The following RTN3 variants were observed in gnomAD, a reference collection of about 807,000 sequenced individuals.
RTN3 encodes reticulon 3.
Under a neutral mutation model 77.8 loss-of-function variants are expected in RTN3, and 49 were observed. The observed-to-expected ratio is 0.63, with a 90% CI of 0.50 to 0.80. The LOEUF is 0.80. Ranked by LOEUF, RTN3 falls within the 30% of genes least tolerant of loss-of-function variation. The pLI is 0.00. For synonymous variants in RTN3, 464 were observed against 446.9 expected, an observed-to-expected ratio of 1.04 and a Z score of -0.48; for missense variants, 1,236 against 1,211.9, an observed-to-expected ratio of 1.02 and a Z score of -0.29.
intron 1 of RTN3, among the ~76,000 whole-genome samples, chr11:63,691,987 C>G (rs1169550997): frequency 1.3e-5 from 2 of 152,066 alleles, no homozygotes; most frequent in East Asian, 1.9e-4. Flanking sequence ...TAATAAATAC[C>G]CTGTAATATC....
At chr11:63,690,291 G>C (rs1361760311) in intron 1 of RTN3, among the ~76,000 whole-genome samples, 1 of 152,184 alleles carries the variant, frequency 6.6e-6, no homozygotes, top group East Asian at 1.9e-4. Context: ...TTACGTATGA[G>C]ATAGAAGTAC....
rs533528163 is a variant in RTN3, at chr11:63,699,182, T to C, written c.143-5669T>C. Among the ~76,000 whole-genome samples the C allele has an allele frequency of 2.6e-5, 4 of 151,972 alleles. No individual in the cohort carries two copies. The South Asian group carries it at 8.3e-4, about 32-fold the overall frequency. On this transcript the variant is annotated intron_variant, in intron 1 of 8. Coordinates refer to ENST00000377819, the MANE Select transcript of RTN3 (RefSeq NM_001265589.2). ...CGTGTGTGGTAGCATGCACCTGTAA[T>C]CCCAGCTACTCAGCAGGCTGAGGCA...
At chr11:63,754,572 C>T (rs1227927057) in intron 7 of RTN3, among the ~76,000 whole-genome samples, 8 of 151,810 alleles carry the variant, frequency 5.3e-5, no homozygotes, top group Non-Finnish European at 7.4e-5. Context: ...TGGTGGCAGG[C>T]GCCTGTGGTC....
Position 63,681,767 on chromosome 11 carries a change from C to A in RTN3, c.131C>A (p.Ser44Tyr). Residue 44 changes from serine (S) to tyrosine (Y), a missense_variant, in exon 1 of 9, where the codon TCC (serine) becomes TAC (tyrosine). Around this residue, in one of 3 missense-constraint regions of RTN3, gnomAD observed 1,056 missense variants for 990.4 expected, o/e 1.07. Coordinates refer to ENST00000377819, the MANE Select transcript of RTN3 (RefSeq NM_001265589.2). ...GCCCTGGGGACGAAGAGCTGCAGCT[C>A]CTCCTGTGCGGGTAAGGCGCGCGGG... ...CPALGTKSCS[S>Y]SCADSFVSSS... The A allele has an allele frequency of 6.3e-7, 1 of 1,592,798 alleles. No individual in the cohort carries two copies. Among genetic ancestry groups the A allele is most frequent in the Non-Finnish European group, 8.5e-7 (1 of 1,172,612 alleles).
At chr11:63,721,558 G>C (rs1235845731) in intron 3 of RTN3, among the ~76,000 whole-genome samples, 1 of 144,522 alleles carries the variant, frequency 6.9e-6, no homozygotes, top group Non-Finnish European at 1.5e-5. Flanking sequence ...CTGGGTGACA[G>C]AGCAAGACTC....
At chr11:63,682,748 G>A (rs1404580669) in intron 1 of RTN3, among the ~76,000 whole-genome samples, 1 of 152,080 alleles carries the variant, frequency 6.6e-6, no homozygotes, top group Non-Finnish European at 1.5e-5. Context: ...ACCTCCTTTA[G>A]TTTGCATTGT....
intron 4 of RTN3, chr11:63,750,415 G>T: frequency 3.8e-6 from 2 of 520,224 alleles, no homozygotes; most frequent in African/African-American, 1.9e-5. Context: ...GCTCATACTT[G>T]AAGTTCAAAG....
chr11:63,723,642 C>G (rs1036072809), intron 3 of RTN3, among the ~76,000 whole-genome samples: 12 of 151,988 alleles, frequency 7.9e-5, no homozygotes, highest in African/African-American at 2.7e-4. Flanking sequence ...CCAGGCTGGT[C>G]TCTCAAACTC....
Position 63,734,772 on chromosome 11 carries a change from CA to C in RTN3, c.2530+13741del, listed in dbSNP as rs1565333391. 6.0e-3 allele frequency among the ~76,000 whole-genome samples: 897 copies of C among 149,472 alleles called. 5 individuals carry two copies. The highest frequency in any genetic ancestry group is 0.014 in the African/African-American group (555 of 40,498). On this transcript the variant is annotated intron_variant, in intron 3 of 8. Transcript: ENST00000377819. ...ACACACACACACACACACACACACA[CA>C]CACACACACCATACTGGAGGTCCTA... is the stretch of plus-strand genomic sequence containing the variant.
In RTN3 at chr11:63,683,943, C is replaced by CTTTTTTTTTT. The variant is rs35837590; in HGVS notation, c.142+2185_142+2194dup. On this transcript the variant is annotated intron_variant, in intron 1 of 8. Transcript: ENST00000377819. ...TATTTCTTTCTCTTTTCTTTTCTTT[C>CTTTTTTTTTT]TTTTTTTTTTTTTTTTTTTTTTTTT... Among the ~76,000 whole-genome samples the CTTTTTTTTTT allele has an allele frequency of 1.8e-3, 107 of 58,956 alleles. 7 individuals are homozygous for CTTTTTTTTTT. Among genetic ancestry groups the CTTTTTTTTTT allele is most frequent in the Middle Eastern group, 0.017 (1 of 60 alleles). 38.7% of individuals were successfully genotyped at this position (58,956 alleles called of 152,430 possible).
At chr11:63,714,103 TA>T (rs760984917) in intron 2 of RTN3, 1 of 485,870 alleles carries the variant, frequency 2.1e-6, no homozygotes, top group Non-Finnish European at 4.1e-6. Context: ...CATGCCTTTA[TA>T]AACTTTTTAC....
At chr11:63,734,010 AAAG>A (rs1275533001) in intron 3 of RTN3, among the ~76,000 whole-genome samples, 1 of 152,214 alleles carries the variant, frequency 6.6e-6, no homozygotes, top group Non-Finnish European at 1.5e-5. Context: ...TTAAATAAAA[AAAG>A]TTCGATATCC....
chr11:63,694,961 T>C (rs565152800), intron 1 of RTN3, among the ~76,000 whole-genome samples: 2 of 152,348 alleles, frequency 1.3e-5, no homozygotes, highest in African/African-American at 4.8e-5. Flanking sequence ...TTTTGACTTA[T>C]ATGAGAGGGA....
rs542676570 is a variant in RTN3 at position 63,741,405 on chromosome 11, T to A, written c.2531-8586T>A. Among the ~76,000 whole-genome samples the A allele has an allele frequency of 3.3e-5, 5 of 151,380 alleles. No individual in the cohort carries two copies. The East Asian group carries it at 9.6e-4, about 29-fold the overall frequency. On this transcript the variant is annotated intron_variant, in intron 3 of 8. Transcript: ENST00000377819. ...TTAGTAGAGAGGGGGTTTCACCATG[T>A]TGGCCAGGCTGTTCCCAAATTCCTG...
chr11:63,726,176 A>G (rs759584421), intron 3 of RTN3, among the ~76,000 whole-genome samples: 37 of 152,236 alleles, frequency 2.4e-4, no homozygotes, highest in Non-Finnish European at 4.0e-4. Flanking sequence ...ACCTTCCTGC[A>G]TATAACTGGA....
intron 3 of RTN3, among the ~76,000 whole-genome samples, chr11:63,737,270 G>A (rs1172177571): frequency 6.6e-6 from 1 of 152,162 alleles, no homozygotes; most frequent in East Asian, 1.9e-4. Flanking sequence ...TCATGACATA[G>A]GGTAGGCAAA....
At chr11:63,718,674 A>AT in intron 2 of RTN3, 28 bp from the exon 3 acceptor site, 5 of 1,512,692 alleles carry the variant, frequency 3.3e-6, no homozygotes, top group Non-Finnish European at 4.4e-6. Flanking sequence ...CTGGTAAACA[A>AT]TTTTTTTCTT....
chr11:63,738,307 GC>G (rs2013263026), intron 3 of RTN3, among the ~76,000 whole-genome samples: 1 of 151,942 alleles, frequency 6.6e-6, no homozygotes, highest in African/African-American at 2.4e-5. Flanking sequence ...AGAAACTGTT[GC>G]AAGGAAGGTG....
At chr11:63,698,006 C>T (rs1484849831) in intron 1 of RTN3, among the ~76,000 whole-genome samples, 1 of 152,112 alleles carries the variant, frequency 6.6e-6, no homozygotes, top group Non-Finnish European at 1.5e-5. Context: ...ATTTCCCATA[C>T]TTTTTGTTTT....
Sources: gnomAD v4.1 joint callset for allele counts (sites outside exome capture counted in the v4.1 genomes callset) on GRCh38, gnomAD v4.1.1 for gene constraint, gnomAD v4.1.1 regional missense constraint, MANE v1.5 for transcripts, NCBI Gene and HGNC (gene_info 2026-07-23, HGNC 2026-07-21) for gene names.